NHLRC2: variants seen among roughly 807,000 people sequenced by gnomAD.
The protein encoded by NHLRC2 is NHL repeat containing 2.
NHLRC2 carries 33 observed loss-of-function variants against 68.1 expected under a neutral mutation model. The ratio of observed to expected loss-of-function variants is 0.48; its 90% CI spans 0.37 to 0.65. The LOEUF (loss-of-function observed/expected upper bound fraction) is 0.65, where lower values mean the gene tolerates loss of function less well. Ranked by LOEUF, NHLRC2 falls within the 30% of genes least tolerant of loss-of-function variation. NHLRC2 has a pLI of 0.00. For synonymous variants in NHLRC2, 311 were observed against 309.6 expected, an observed-to-expected ratio of 1.00 and a Z score of -0.05; for missense variants, 761 against 853.8, an observed-to-expected ratio of 0.89 and a Z score of 1.35.
chr10:113,898,586 CA>C lies in NHLRC2; in HGVS notation c.1139+378del, dbSNP rs149781297. On this transcript the variant is annotated intron_variant, in intron 6 of 10. Coordinates refer to ENST00000369301, the MANE Select transcript of NHLRC2 (RefSeq NM_198514.4). ...CAGAGTAAGTCTTAGGGCCACACTTCACTTCATGGAACCTGCAAAGAATCAT... is the reference window on the plus strand; with the variant it reads ...CAGAGTAAGTCTTAGGGCCACACTTCCTTCATGGAACCTGCAAAGAATCAT... Among the ~76,000 whole-genome samples the C allele has an allele frequency of 2.7e-3, 417 of 152,320 alleles. 2 individuals carry two copies. The highest frequency in any genetic ancestry group is 9.6e-3 in the African/African-American group (401 of 41,586).
At chr10:113,869,860 T>TA (rs1272778222) in intron 2 of NHLRC2, among the ~76,000 whole-genome samples, 4 of 152,234 alleles carry the variant, frequency 2.6e-5, no homozygotes, top group Non-Finnish European at 5.9e-5. Flanking sequence ...ATTTGACTAA[T>TA]AGGATCCCCT....
chr10:113,877,088 A>G (rs1845990787), intron 3 of NHLRC2, 112 bp downstream of exon 3: 1 of 626,066 alleles, frequency 1.6e-6, no homozygotes, highest in Non-Finnish European at 2.6e-6. Flanking sequence ...GAAAAGTGAT[A>G]TACATTGACT....
chr10:113,869,928 A>G (rs1453158988), intron 2 of NHLRC2, among the ~76,000 whole-genome samples: 1 of 152,036 alleles, frequency 6.6e-6, no homozygotes, highest in East Asian at 1.9e-4. Context: ...GCCCTTCCTT[A>G]CTAAATACAC....
chr10:113,908,248 A>G, intron 10 of NHLRC2, 32 bp from the exon 11 acceptor site: 2 of 1,552,686 alleles, frequency 1.3e-6, no homozygotes, highest in Non-Finnish European at 1.8e-6. Context: ...CTTATCTTAT[A>G]CAGTCTTAAT....
At chr10:113,905,501 A>G (rs549998276) in intron 10 of NHLRC2, among the ~76,000 whole-genome samples, 4 of 152,092 alleles carry the variant, frequency 2.6e-5, no homozygotes, top group Non-Finnish European at 5.9e-5. Flanking sequence ...TTATTTCATT[A>G]ATCTATGGTA....
At chr10:113,865,409 T>C (rs1227038675) in intron 2 of NHLRC2, among the ~76,000 whole-genome samples, 2 of 152,056 alleles carry the variant, frequency 1.3e-5, no homozygotes, top group African/African-American at 4.8e-5. Context: ...TTTCTGTATT[T>C]GGCTTAGAAT....
At chr10:113,879,290 A>G (rs913526285) in intron 3 of NHLRC2, among the ~76,000 whole-genome samples, 10 of 152,102 alleles carry the variant, frequency 6.6e-5, no homozygotes, top group African/African-American at 2.4e-4. Flanking sequence ...AATTGGAGTT[A>G]TTTTTAAATC....
chr10:113,908,749 C>T lies in NHLRC2; in HGVS notation c.*213C>T. On this transcript the variant is annotated 3_prime_UTR_variant, in exon 11 of 11. Transcript: ENST00000369301. ...TTGCTTTGGCTGATACTAGCTGAGT[C>T]ATTGATCATCATTGGTACCATGATA... 1 of 559,854 alleles carries T rather than the reference C, an allele frequency of 1.8e-6. No individual in the cohort carries two copies. Among genetic ancestry groups the T allele is most frequent in the Middle Eastern group, 4.8e-4 (1 of 2,090 alleles). 34.7% of individuals were successfully genotyped at this position (559,854 alleles called of 1,614,324 possible). A position where few individuals can be genotyped will look rare whatever the true frequency, so the allele number is the denominator to read the frequency against.
At chr10:113,897,047 G>GA (rs1272986090) in intron 5 of NHLRC2, among the ~76,000 whole-genome samples, 1 of 151,864 alleles carries the variant, frequency 6.6e-6, no homozygotes, top group East Asian at 1.9e-4. Context: ...ATTGTGAATG[G>GA]AAAACATTCC....
chr10:113,867,945 G>T (rs1845884391), intron 2 of NHLRC2, among the ~76,000 whole-genome samples: 1 of 151,978 alleles, frequency 6.6e-6, no homozygotes, highest in Non-Finnish European at 1.5e-5. Context: ...TTTAAAAAGT[G>T]GTTTTATTAC....
chr10:113,898,681 C>G (rs925468356), intron 6 of NHLRC2, among the ~76,000 whole-genome samples: 3 of 152,182 alleles, frequency 2.0e-5, no homozygotes, highest in African/African-American at 2.4e-5. Context: ...CATAGTTGAA[C>G]TATCTCTAAT....
chr10:113,876,631 G>T lies in NHLRC2; in HGVS notation c.442G>T (p.Asp148Tyr), dbSNP rs201701259. The T allele has an allele frequency of 2.3e-4, 372 of 1,613,800 alleles. No homozygotes were observed. The highest frequency in any genetic ancestry group is 2.4e-4 in the South Asian group (22 of 91,072). The change falls in exon 3 of 11, where the codon GAT becomes TAT. Residue 148 changes from aspartate (D) to tyrosine (Y), a missense_variant. Coordinates refer to ENST00000369301, the MANE Select transcript of NHLRC2 (RefSeq NM_198514.4). ...RYNITHPMVNDADASLWQELE... is the reference protein window; with the variant it reads ...RYNITHPMVNYADASLWQELE... ...CAACATCACCCACCCTATGGTTAAT[G>T]ATGCAGATGCCAGCCTTTGGCAAGA...
intron 10 of NHLRC2, among the ~76,000 whole-genome samples, chr10:113,907,960 TTTTAAC>T (rs1278379823): frequency 6.6e-6 from 1 of 152,202 alleles, no homozygotes; most frequent in African/African-American, 2.4e-5. Flanking sequence ...TAGGTTTTAT[TTTTAAC>T]TTTAGAGACT....
rs1589542764 is a variant in NHLRC2 at position 113,884,380 on chromosome 10, G to A, written c.1039G>A (p.Gly347Ser). Residue 347 changes from glycine to serine, a missense_variant and splice_region_variant, in exon 5 of 11, where the codon GGT becomes AGT. Transcript: ENST00000369301. ...SPWDVVFGTSGSEVQRGDILW... is the reference protein window; with the variant it reads ...SPWDVVFGTSSSEVQRGDILW... ...TTGGGATGTAGTTTTTGGAACATCA[G>A]GTATGTGAACTTTTGATATTAAATG... is the stretch of plus-strand genomic sequence containing the variant. The A allele has an allele frequency of 1.2e-6, 2 of 1,605,040 alleles. No individual in the cohort carries two copies. Among genetic ancestry groups the A allele is most frequent in the Non-Finnish European group, 1.7e-6 (2 of 1,174,122 alleles).
chr10:113,897,330 C>A (rs978629608), intron 5 of NHLRC2, among the ~76,000 whole-genome samples: 4 of 152,152 alleles, frequency 2.6e-5, no homozygotes, highest in African/African-American at 9.7e-5. Context: ...TATTAATACT[C>A]ACTGTAAAAT....
intron 2 of NHLRC2, among the ~76,000 whole-genome samples, chr10:113,866,924 C>G (rs1038284387): frequency 6.6e-6 from 1 of 152,024 alleles, no homozygotes; most frequent in African/African-American, 2.4e-5. Context: ...CTAGAGTCTT[C>G]TTTCAGTGGA....
rs572089328 is a variant in NHLRC2, at chr10:113,898,241, G to C, written c.1139+32G>C. 1.5e-5 allele frequency: 20 copies of C among 1,337,106 alleles called. No individual in the cohort carries two copies. In the East Asian group the frequency reaches 4.6e-4, roughly 31 times the overall value. 82.8% of individuals were successfully genotyped at this position (1,337,106 alleles called of 1,614,324 possible). A position where few individuals can be genotyped will look rare whatever the true frequency, so the allele number is the denominator to read the frequency against. ...GACAGCCTCTCTCTTTGAGTAGACTGTACTACTTGGTGTTCATATAATTTC... is the reference window on the plus strand; with the variant it reads ...GACAGCCTCTCTCTTTGAGTAGACTCTACTACTTGGTGTTCATATAATTTC... On this transcript the variant is annotated intron_variant, in intron 6 of 10. Coordinates refer to ENST00000369301, the MANE Select transcript of NHLRC2 (RefSeq NM_198514.4).
At chr10:113,878,339 A>G (rs1030594498) in intron 3 of NHLRC2, among the ~76,000 whole-genome samples, 1 of 152,172 alleles carries the variant, frequency 6.6e-6, no homozygotes, top group Non-Finnish European at 1.5e-5. Flanking sequence ...TAGGTACAGT[A>G]GACACTATAT....
intron 4 of NHLRC2, among the ~76,000 whole-genome samples, chr10:113,882,253 G>T (rs1432856161): frequency 6.6e-6 from 1 of 151,770 alleles, no homozygotes; most frequent in Non-Finnish European, 1.5e-5. Flanking sequence ...TATGTTTTAT[G>T]TTTAATTTTT....
Sources: gnomAD v4.1 joint callset for allele counts (sites outside exome capture counted in the v4.1 genomes callset) on GRCh38, gnomAD v4.1.1 for gene constraint, MANE v1.5 for transcripts, NCBI Gene and HGNC (gene_info 2026-07-23, HGNC 2026-07-21) for gene names.